The following PLXNA4 variants were observed in gnomAD, a reference collection of about 807,000 sequenced individuals.
The protein encoded by PLXNA4 is plexin A4.
PLXNA4 carries 44 observed loss-of-function variants against 191.8 expected under a neutral mutation model. The observed-to-expected ratio is 0.23, with a 90% confidence interval of 0.18 to 0.29. PLXNA4 has a LOEUF of 0.29. Ranked by LOEUF, PLXNA4 falls within the 10% of genes least tolerant of loss-of-function variation. The probability of loss-of-function intolerance (pLI) is 1.00; values close to 1 mark genes in which losing one functional copy is unlikely to be tolerated. For synonymous variants in PLXNA4, 1,082 were observed against 1,009.5 expected, an observed-to-expected ratio of 1.07 and a Z score of -1.36; for missense variants, 1,800 against 2,488.8, an observed-to-expected ratio of 0.72 and a Z score of 5.89.
intron 3 of PLXNA4, among the ~76,000 whole-genome samples, chr7:132,402,050 C>G (rs1794007767): frequency 6.6e-6 from 1 of 152,102 alleles, no homozygotes; most frequent in African/African-American, 2.4e-5. Flanking sequence ...CAGCCAGGTG[C>G]TAGAAAATAC....
At position 132,164,308 on chromosome 7, in the gene PLXNA4, C is replaced by T. The variant is rs1386439772; in HGVS notation, c.4354-20G>A. On this transcript the variant is annotated intron_variant, in intron 23 of 31. Transcript: ENST00000321063. ...ACACTCCTGGAGGTGAGAAGAACGT[C>T]ATTAGGAGGAGCTCTTGGAACACTG... is the stretch of plus-strand genomic sequence containing the variant. 6.2e-7 allele frequency: 1 copy of T among 1,612,630 alleles called. No homozygotes were observed. The highest frequency in any genetic ancestry group is 1.7e-5 in the Admixed American group (1 of 59,996).
chr7:132,194,380 G>T (rs1043305282), intron 13 of PLXNA4, among the ~76,000 whole-genome samples: 2 of 152,226 alleles, frequency 1.3e-5, no homozygotes, highest in African/African-American at 4.8e-5. Context: ...TGACCTATGG[G>T]ATCTCCTTTG....
chr7:132,393,201 C>A (rs1336064278), intron 3 of PLXNA4, among the ~76,000 whole-genome samples: 1 of 111,588 alleles, frequency 9.0e-6, no homozygotes, highest in Non-Finnish European at 1.8e-5. Context: ...CCCCCCCCCA[C>A]CACCACCACC....
At chr7:132,601,087 T>C (rs987591741) in intron 2 of PLXNA4, among the ~76,000 whole-genome samples, 2 of 152,174 alleles carry the variant, frequency 1.3e-5, no homozygotes, top group Non-Finnish European at 2.9e-5. Context: ...AATAAATGAA[T>C]TGTAAACACC....
At chr7:132,616,796 G>A (rs191695355) in intron 2 of PLXNA4, among the ~76,000 whole-genome samples, 29 of 152,130 alleles carry the variant, frequency 1.9e-4, no homozygotes, top group African/African-American at 5.8e-4. Flanking sequence ...TTTACCCACC[G>A]GCCCTTTCAC....
In PLXNA4 at chr7:132,228,466, G is replaced by A. The variant is rs749695018; in HGVS notation, c.1608C>T (p.Cys536=). 40 of 1,613,992 alleles carry A rather than the reference G, an allele frequency of 2.5e-5. No homozygotes were observed. In the Admixed American group the frequency reaches 6.2e-4, roughly 25 times the overall value. Residue 536 remains cysteine, a synonymous_variant, in exon 6 of 32, where the codon TGC becomes TGT. Coordinates refer to ENST00000321063, the MANE Select transcript of PLXNA4 (RefSeq NM_020911.2). The part of the protein sequence containing the change: ...HCGWCVLHNT[C]TRKERCERSK... ...ACCGCTCACACCGCTCCTTCCGGGT[G>A]CAACTGGGAAGGACATACCCTCGAG...
chr7:132,393,674 G>C (rs1212626320), intron 3 of PLXNA4, among the ~76,000 whole-genome samples: 1 of 152,224 alleles, frequency 6.6e-6, no homozygotes, highest in Non-Finnish European at 1.5e-5. Context: ...TAGGAGGAGA[G>C]ACAAAAGAGT....
intron 1 of PLXNA4, among the ~76,000 whole-genome samples, chr7:132,515,105 C>T (rs938532637): frequency 1.5e-5 from 2 of 137,800 alleles, no homozygotes; most frequent in Admixed American, 8.1e-5. Context: ...AAGCAACAGG[C>T]TTTGGATAGG....
chr7:132,449,282 T>C (rs142156924), intron 3 of PLXNA4, among the ~76,000 whole-genome samples: 68 of 152,338 alleles, frequency 4.5e-4, no homozygotes, highest in Middle Eastern at 6.8e-3. Flanking sequence ...CTTTGGGCTT[T>C]TGGTTCTTAG....
intron 4 of PLXNA4, among the ~76,000 whole-genome samples, chr7:132,293,017 GGTACACGGA>G (rs1800948964): frequency 6.6e-6 from 1 of 152,194 alleles, no homozygotes; most frequent in Non-Finnish European, 1.5e-5. Flanking sequence ...CCTGTTTGCT[GGTACACGGA>G]GAGCCAGGGT....
chr7:132,150,135 T>C (rs1459598082), intron 25 of PLXNA4, among the ~76,000 whole-genome samples: 1 of 152,204 alleles, frequency 6.6e-6, no homozygotes, highest in Non-Finnish European at 1.5e-5. Flanking sequence ...CATCCATCCC[T>C]TAGTCCTGTG....
rs1272859741 is a variant in PLXNA4, at chr7:132,128,915, C to G, written c.*1564G>C. ...CTCCTGCTTAGGATGGGAGACTGCA[C>G]CAGACAGCACCTAAGGTCTCCTTAG... On this transcript the variant is annotated 3_prime_UTR_variant, in exon 32 of 32. Coordinates refer to ENST00000321063, the MANE Select transcript of PLXNA4 (RefSeq NM_020911.2). 6.6e-6 allele frequency: 1 copy of G among 151,952 alleles called. No homozygotes were observed. The highest frequency in any genetic ancestry group is 2.4e-5 in the African/African-American group (1 of 41,454). 9.4% of individuals were successfully genotyped at this position (151,952 alleles called of 1,614,324 possible).
chr7:132,426,599 G>A (rs1262020419), intron 3 of PLXNA4, among the ~76,000 whole-genome samples: 4 of 152,150 alleles, frequency 2.6e-5, no homozygotes, highest in Non-Finnish European at 5.9e-5. Flanking sequence ...AAAGTCCTGG[G>A]AGGCACATTC....
chr7:132,347,517 C>T (rs1049257875), intron 3 of PLXNA4, among the ~76,000 whole-genome samples: 16 of 152,160 alleles, frequency 1.1e-4, no homozygotes, highest in African/African-American at 1.9e-4. Flanking sequence ...ACCAAATCAA[C>T]GCCAGCTCAA....
At chr7:132,319,028 C>T (rs1231023657) in intron 3 of PLXNA4, among the ~76,000 whole-genome samples, 6 of 152,174 alleles carry the variant, frequency 3.9e-5, no homozygotes, top group African/African-American at 1.2e-4. Flanking sequence ...CATGTCCACA[C>T]GCACCCCAAG....
intron 4 of PLXNA4, among the ~76,000 whole-genome samples, chr7:132,274,766 CTTTTTTTTTTTTTT>C (rs3057256): frequency 9.4e-6 from 1 of 106,206 alleles, no homozygotes; most frequent in Non-Finnish European, 1.8e-5. Context: ...TCAGTGCATC[CTTTTTTTTTTTTTT>C]TTTTTTTTTA....
intron 3 of PLXNA4, among the ~76,000 whole-genome samples, chr7:132,480,466 C>A (rs1221960604): frequency 6.6e-6 from 1 of 152,164 alleles, no homozygotes; most frequent in African/African-American, 2.4e-5. Context: ...AGACAGGGAC[C>A]GTGGATAACC....
intron 5 of PLXNA4, among the ~76,000 whole-genome samples, chr7:132,234,830 CAA>C (rs569934408): frequency 1.3e-4 from 20 of 152,076 alleles, no homozygotes; most frequent in Non-Finnish European, 2.5e-4. Context: ...GCACAGACTG[CAA>C]AGAGTTTGCT....
At chr7:132,381,480 A>C (rs1268763397) in intron 3 of PLXNA4, among the ~76,000 whole-genome samples, 1 of 152,256 alleles carries the variant, frequency 6.6e-6, no homozygotes, top group Non-Finnish European at 1.5e-5. Flanking sequence ...TAATATACTT[A>C]AGTGTGTAGT....
Sources: allele counts gnomAD v4.1 joint callset (sites outside exome capture counted in the v4.1 genomes callset), GRCh38; gene constraint gnomAD v4.1.1; transcripts MANE v1.5; gene names NCBI Gene and HGNC (gene_info 2026-07-23, HGNC 2026-07-21).